Variants in LEKR1 observed in about 807,000 individuals in gnomAD.
The protein encoded by LEKR1 is leucine, glutamate and lysine rich 1.
Under a neutral mutation model 72.4 loss-of-function variants are expected in LEKR1, and 59 were observed. That is an observed-to-expected ratio of 0.82 (90% CI 0.66 to 1.01). The LOEUF is 1.01. Ranked by LOEUF, LEKR1 falls within the 50% of genes least tolerant of loss-of-function variation. The pLI is 0.00. For missense variants in LEKR1, 728 were observed against 759.2 expected (o/e 0.96, Z 0.48); for synonymous variants, 257 against 263.2 (o/e 0.98, Z 0.23).
rs117677442 is a variant in LEKR1 at position 157,022,598 on chromosome 3, C to G, written c.1204-2162C>G. Among the ~76,000 whole-genome samples, 10 of 152,130 alleles carry G rather than the reference C, an allele frequency of 6.6e-5. No individual in the cohort carries two copies. The East Asian group carries it at 1.9e-3, about 29-fold the overall frequency. On this transcript the variant is annotated intron_variant, in intron 10 of 12. Transcript: ENST00000356539. ...AACTAGATGGATGGTAGAGCTGTGT[C>G]CTGAAATAAGAGGGAGAAACAGGCT...
At chr3:157,037,965 GAT>G (rs1735081341) in intron 12 of LEKR1, among the ~76,000 whole-genome samples, 1 of 152,186 alleles carries the variant, frequency 6.6e-6, no homozygotes, top group Admixed American at 6.5e-5. Context: ...CAAGGATAGT[GAT>G]AGAAACCAAG....
chr3:156,959,616 CA>C (rs1016870075), intron 6 of LEKR1, among the ~76,000 whole-genome samples: 4 of 152,080 alleles, frequency 2.6e-5, no homozygotes, highest in African/African-American at 9.7e-5. Flanking sequence ...CTGAATATTG[CA>C]ATCCCTTCAT....
rs1576935088 is a variant in LEKR1 at position 156,977,858 on chromosome 3, A to G, written c.746-1336A>G. On this transcript the variant is annotated intron_variant, in intron 6 of 12. Coordinates refer to ENST00000356539, the MANE Select transcript of LEKR1 (RefSeq NM_001004316.3). ...GTCTCCCACCTCAACATGACTCCCT[A>G]CTCACCTGGCTCTTTCTCTATACTC... 1.5e-5 allele frequency: 3 copies of G among 200,310 alleles called. No homozygotes were observed. The East Asian group carries it at 3.6e-4, about 24-fold the overall frequency. The allele number at this position is 200,310 out of a possible 1,614,324, so 12.4% of individuals were successfully genotyped here.
At chr3:156,937,648 C>T (rs1489316553) in intron 5 of LEKR1, among the ~76,000 whole-genome samples, 1 of 152,142 alleles carries the variant, frequency 6.6e-6, no homozygotes, top group East Asian at 1.9e-4. Context: ...CCACATGACG[C>T]AACATTTGCA....
chr3:156,934,099 T>A (rs573660118), intron 5 of LEKR1, among the ~76,000 whole-genome samples: 1 of 152,330 alleles, frequency 6.6e-6, no homozygotes, highest in South Asian at 2.1e-4. Flanking sequence ...TTGTCTTCCT[T>A]TATAGTCCTT....
intron 9 of LEKR1, among the ~76,000 whole-genome samples, chr3:156,999,640 C>T (rs1256484913): frequency 6.6e-6 from 1 of 152,204 alleles, no homozygotes; most frequent in Non-Finnish European, 1.5e-5. Flanking sequence ...AAGGGATTCA[C>T]TTTTCTTGCA....
chr3:156,901,893 C>T (rs1287341887), intron 3 of LEKR1, among the ~76,000 whole-genome samples: 1 of 152,110 alleles, frequency 6.6e-6, no homozygotes, highest in Non-Finnish European at 1.5e-5. Flanking sequence ...ATTATGTTGG[C>T]CAGCCTGGTC....
chr3:156,939,900 C>G (rs993355961), intron 5 of LEKR1, among the ~76,000 whole-genome samples: 1 of 152,020 alleles, frequency 6.6e-6, no homozygotes, highest in Non-Finnish European at 1.5e-5. Context: ...GAAATGTAGT[C>G]CACATTTTTC....
intron 3 of LEKR1, among the ~76,000 whole-genome samples, chr3:156,854,067 T>G (rs971688017): frequency 7.2e-5 from 11 of 152,010 alleles, no homozygotes; most frequent in Non-Finnish European, 1.5e-4. Context: ...CCCAGCTGAT[T>G]GTACTGATTG....
intron 9 of LEKR1, among the ~76,000 whole-genome samples, chr3:156,996,568 G>A (rs555029523): frequency 6.6e-6 from 1 of 152,200 alleles, no homozygotes; most frequent in South Asian, 2.1e-4. Context: ...GATGCTGGAC[G>A]GAGAAGGTAT....
intron 2 of LEKR1, among the ~76,000 whole-genome samples, chr3:156,835,304 G>A (rs1712959724): frequency 6.6e-6 from 1 of 152,160 alleles, no homozygotes. Context: ...TACCAATGGG[G>A]GTTTTCTTAA....
intron 12 of LEKR1, among the ~76,000 whole-genome samples, chr3:157,041,695 C>A (rs561594036): frequency 6.6e-6 from 1 of 151,958 alleles, no homozygotes; most frequent in Non-Finnish European, 1.5e-5. Flanking sequence ...TAGTTACAAT[C>A]CAATGATTCT....
chr3:156,912,916 A>G (rs745693758), intron 3 of LEKR1, among the ~76,000 whole-genome samples: 3 of 152,080 alleles, frequency 2.0e-5, no homozygotes, highest in African/African-American at 7.2e-5. Flanking sequence ...AGACTCCCCT[A>G]CCTCACACTC....
Position 157,028,154 on chromosome 3 carries a change from A to G in LEKR1, c.1420A>G (p.Thr474Ala). ...AAGAGATCTAAGGCAGGAAGTGACCACTCTTAAAGAAAAACTTCACAAATC... is the reference window on the plus strand; with the variant it reads ...AAGAGATCTAAGGCAGGAAGTGACCGCTCTTAAAGAAAAACTTCACAAATC... ...ATRDLRQEVT[T>A]LKEKLHKSHI... Residue 474 changes from threonine (T) to alanine (A), a missense_variant, in exon 12 of 13, where the codon ACT becomes GCT. By Grantham distance (58) the Thr-to-Ala change is moderately conservative (BLOSUM62 0). Coordinates refer to ENST00000356539, the MANE Select transcript of LEKR1 (RefSeq NM_001004316.3). The G allele has an allele frequency of 6.2e-7, 1 of 1,608,736 alleles. No homozygotes were observed. The highest frequency in any genetic ancestry group is 1.1e-5 in the South Asian group (1 of 90,112).
intron 12 of LEKR1, among the ~76,000 whole-genome samples, chr3:157,030,112 G>A: frequency 6.6e-6 from 1 of 152,192 alleles, no homozygotes; most frequent in African/African-American, 2.4e-5. Flanking sequence ...GGCGGAAGGT[G>A]AAGGAGAAGC....
chr3:156,908,148 A>C (rs1163568181), intron 3 of LEKR1, among the ~76,000 whole-genome samples: 1 of 152,170 alleles, frequency 6.6e-6, no homozygotes. Flanking sequence ...TGGTGAAGTT[A>C]ACCTTAATCA....
intron 9 of LEKR1, among the ~76,000 whole-genome samples, chr3:157,003,670 T>C (rs1156937559): frequency 6.6e-6 from 1 of 152,136 alleles, no homozygotes; most frequent in Admixed American, 6.5e-5. Flanking sequence ...CACCTCAAGA[T>C]CCTTAACTTT....
intron 3 of LEKR1, among the ~76,000 whole-genome samples, chr3:156,918,224 A>G (rs1263643268): frequency 1.3e-5 from 2 of 152,172 alleles, no homozygotes; most frequent in Non-Finnish European, 2.9e-5. Flanking sequence ...AAGTATGTAG[A>G]TATGTATAGG....
At chr3:156,994,539 C>A (rs924413565) in intron 9 of LEKR1, among the ~76,000 whole-genome samples, 1 of 152,162 alleles carries the variant, frequency 6.6e-6, no homozygotes, top group Non-Finnish European at 1.5e-5. Context: ...CTATTCCACC[C>A]CACCTCCTCT....
Sources: allele counts gnomAD v4.1 joint callset (sites outside exome capture counted in the v4.1 genomes callset), GRCh38; gene constraint gnomAD v4.1.1; transcripts MANE v1.5; gene names NCBI Gene and HGNC (gene_info 2026-07-23, HGNC 2026-07-21).